TMEM132D: variants seen among roughly 807,000 people sequenced by gnomAD.
TMEM132D encodes transmembrane protein 132D.
In TMEM132D, 21 loss-of-function variants were observed where a neutral mutation model predicts 62.3. That is an observed-to-expected ratio of 0.34 (90% confidence interval 0.24 to 0.49). The LOEUF (loss-of-function observed/expected upper bound fraction) is 0.49. Among genes scored for constraint, TMEM132D ranks in the 20% least tolerant of loss-of-function variants. The pLI is 0.99. For synonymous variants in TMEM132D, 621 were observed against 575.6 expected (o/e 1.08, Z -1.13); for missense variants, 1,346 against 1,402.8 (o/e 0.96, Z 0.65).
intron 1 of TMEM132D, among the ~76,000 whole-genome samples, chr12:129,723,638 G>A (rs1868923814): frequency 6.6e-6 from 1 of 152,234 alleles, no homozygotes; most frequent in Non-Finnish European, 1.5e-5. Context: ...GCAGCTCCCT[G>A]ACCTTGTCCC....
At chr12:129,422,793 A>T (rs957688452) in intron 3 of TMEM132D, among the ~76,000 whole-genome samples, 17 of 151,768 alleles carry the variant, frequency 1.1e-4, no homozygotes, top group African/African-American at 4.1e-4. Flanking sequence ...ATGATTGAAT[A>T]CATTATGATA....
intron 5 of TMEM132D, among the ~76,000 whole-genome samples, chr12:129,111,944 C>T (rs1875717081): frequency 6.6e-6 from 1 of 152,084 alleles, no homozygotes; most frequent in African/African-American, 2.4e-5. Flanking sequence ...GTCAGGGGTC[C>T]CTTGGCACTC....
In TMEM132D at chr12:129,672,608, G is replaced by A. The variant is rs534189362; in HGVS notation, c.968+27202C>T. ...CTGGGTGAGGATGCACTGGTGCAAG[G>A]TAGGTCAGTGTCAGGTAATAAAAAA... On this transcript the variant is annotated intron_variant, in intron 2 of 8. Coordinates refer to ENST00000422113, the MANE Select transcript of TMEM132D (RefSeq NM_133448.3). Among the ~76,000 whole-genome samples, 11 of 152,322 alleles carry A rather than the reference G, an allele frequency of 7.2e-5. No individual in the cohort carries two copies. The East Asian group carries it at 1.5e-3, about 21-fold the overall frequency.
intron 3 of TMEM132D, among the ~76,000 whole-genome samples, chr12:129,367,269 T>C (rs753686680): frequency 1.3e-5 from 2 of 152,198 alleles, no homozygotes; most frequent in Non-Finnish European, 2.9e-5. Flanking sequence ...TGTCTGTCTG[T>C]CTATCCATCT....
At chr12:129,493,948 C>T (rs1164993376) in intron 3 of TMEM132D, among the ~76,000 whole-genome samples, 1 of 152,192 alleles carries the variant, frequency 6.6e-6, no homozygotes, top group Admixed American at 6.5e-5. Context: ...GTGATTAGGG[C>T]TGGGTGGCAG....
At chr12:129,646,590 TACTCTCTGG>T (rs1278345145) in intron 2 of TMEM132D, among the ~76,000 whole-genome samples, 2 of 152,086 alleles carry the variant, frequency 1.3e-5, no homozygotes, top group Non-Finnish European at 2.9e-5. Context: ...TCCTCCCAAA[TACTCTCTGG>T]ACTCTCTCTC....
chr12:129,680,085 C>T (rs1044100478), intron 2 of TMEM132D, among the ~76,000 whole-genome samples: 12 of 152,182 alleles, frequency 7.9e-5, no homozygotes, highest in Admixed American at 2.6e-4. Flanking sequence ...GCTATTCTCC[C>T]TTTCTGTAAT....
chr12:129,325,715 T>C (rs192123368), intron 4 of TMEM132D, among the ~76,000 whole-genome samples: 1 of 152,246 alleles, frequency 6.6e-6, no homozygotes, highest in Admixed American at 6.5e-5. Flanking sequence ...TAGAAAGCAA[T>C]TCAAGAGGCA....
chr12:129,322,199 C>T (rs1197659579), intron 4 of TMEM132D, among the ~76,000 whole-genome samples: 2 of 151,660 alleles, frequency 1.3e-5, no homozygotes, highest in Non-Finnish European at 2.9e-5. Flanking sequence ...TGGTTTTTGT[C>T]GGACACACAG....
At chr12:129,087,291 AAATGCTAAGAT>A (rs1259587431) in intron 5 of TMEM132D, among the ~76,000 whole-genome samples, 4 of 151,928 alleles carry the variant, frequency 2.6e-5, no homozygotes, top group Non-Finnish European at 5.9e-5. Context: ...ATGTTGTTGG[AAATGCTAAGAT>A]TTTTTTCTTT....
In TMEM132D at chr12:129,209,510, G is replaced by A. The variant is rs754158540; in HGVS notation, c.1443+10C>T. On this transcript the variant is annotated intron_variant, in intron 5 of 8. Coordinates refer to ENST00000422113, the MANE Select transcript of TMEM132D (RefSeq NM_133448.3). ...CAGGTTTCTGCAGGGGCGGGGAGGTGTCAACTTGCCTTAATCACGTCTTCA... is the reference window on the plus strand; with the variant it reads ...CAGGTTTCTGCAGGGGCGGGGAGGTATCAACTTGCCTTAATCACGTCTTCA... 1.9e-6 allele frequency: 3 copies of A among 1,613,526 alleles called. No individual in the cohort carries two copies. The African/African-American group carries it at 4.0e-5, about 22-fold the overall frequency.
At chr12:129,731,320 T>TA (rs200720836) in intron 1 of TMEM132D, among the ~76,000 whole-genome samples, 2,921 of 151,364 alleles carry the variant, frequency 0.019, 88 homozygotes, top group African/African-American at 0.067. Context: ...GAGGCAGACT[T>TA]AAAAAAAAAT....
chr12:129,112,218 GC>G (rs1241053625), intron 5 of TMEM132D, among the ~76,000 whole-genome samples: 2 of 152,246 alleles, frequency 1.3e-5, no homozygotes, highest in East Asian at 1.9e-4. Context: ...AGTGAGGCCT[GC>G]CTGGATGCAT....
At chr12:129,207,036 C>A (rs1035437494) in intron 5 of TMEM132D, among the ~76,000 whole-genome samples, 2 of 152,094 alleles carry the variant, frequency 1.3e-5, no homozygotes, top group Non-Finnish European at 2.9e-5. Flanking sequence ...TATCTGTAAT[C>A]AAAGCCCTGT....
At chr12:129,570,073 C>A (rs1877470279) in intron 2 of TMEM132D, among the ~76,000 whole-genome samples, 1 of 152,154 alleles carries the variant, frequency 6.6e-6, no homozygotes, top group Non-Finnish European at 1.5e-5. Context: ...CTGATTAAAT[C>A]AACCAGAAGT....
chr12:129,392,361 C>T (rs1366283738), intron 3 of TMEM132D, among the ~76,000 whole-genome samples: 1 of 152,206 alleles, frequency 6.6e-6, no homozygotes, highest in East Asian at 1.9e-4. Context: ...CCCTGCCTGG[C>T]CTCAGTATTT....
At chr12:129,442,873 G>A (rs1872981230) in intron 3 of TMEM132D, among the ~76,000 whole-genome samples, 1 of 152,118 alleles carries the variant, frequency 6.6e-6, no homozygotes. Context: ...GGACGCCATG[G>A]TGTGCTGCCG....
chr12:129,434,104 T>A (rs1053651872), intron 3 of TMEM132D, among the ~76,000 whole-genome samples: 2 of 152,128 alleles, frequency 1.3e-5, no homozygotes, highest in African/African-American at 2.4e-5. Flanking sequence ...TGATCAACAT[T>A]CTAGATCTCG....
chr12:129,813,800 A>G (rs541389577), intron 1 of TMEM132D, among the ~76,000 whole-genome samples: 1 of 152,050 alleles, frequency 6.6e-6, no homozygotes, highest in Non-Finnish European at 1.5e-5. Context: ...GTGCCTAGAA[A>G]ATTCAAAGTA....
Sources: allele counts gnomAD v4.1 joint callset (sites outside exome capture counted in the v4.1 genomes callset), GRCh38; gene constraint gnomAD v4.1.1; transcripts MANE v1.5; gene names NCBI Gene and HGNC (gene_info 2026-07-23, HGNC 2026-07-21).